Variants in SS18 observed in about 807,000 individuals in gnomAD.
SS18 encodes the protein SS18 subunit of BAF chromatin remodeling complex.
A neutral mutation model predicts 72.5 loss-of-function variants in SS18; 28 were observed. The observed-to-expected ratio is 0.39, with a 90% CI of 0.29 to 0.53. The LOEUF (loss-of-function observed/expected upper bound fraction) is 0.53, where lower values mean the gene tolerates loss of function less well. SS18 is among the 20% of genes least tolerant of loss of function. The pLI, the probability that SS18 is intolerant of heterozygous loss-of-function variation, is 0.76. For synonymous variants in SS18, 172 were observed against 164.2 expected (o/e 1.05, Z -0.37); for missense variants, 518 against 535.3 (o/e 0.97, Z 0.32).
chr18:26,062,992 A>T (rs1263980323), intron 3 of SS18, among the ~76,000 whole-genome samples: 5 of 152,224 alleles, frequency 3.3e-5, no homozygotes, highest in Admixed American at 6.5e-5. Flanking sequence ...ATATAAAAAA[A>T]TTTTGACATT....
intron 1 of SS18, among the ~76,000 whole-genome samples, chr18:26,088,895 C>G (rs1017770864): frequency 6.6e-6 from 1 of 151,972 alleles, no homozygotes; most frequent in East Asian, 1.9e-4. Flanking sequence ...AAAAAAAAAC[C>G]ACTAACATGA....
chr18:26,051,412 G>A (rs1318288907), intron 5 of SS18, among the ~76,000 whole-genome samples: 2 of 151,794 alleles, frequency 1.3e-5, no homozygotes, highest in East Asian at 1.9e-4. Context: ...TTTTTTCTTC[G>A]AATCTTATTA....
At chr18:26,087,681 A>G (rs1348939210) in intron 1 of SS18, 104 bp from the exon 2 acceptor site, 3 of 662,298 alleles carry the variant, frequency 4.5e-6, no homozygotes, top group Non-Finnish European at 8.1e-6. Context: ...CTGCTTGTAC[A>G]AGAACTCTAA....
chr18:26,018,026 A>C lies in SS18; in HGVS notation c.*328T>G, dbSNP rs2053278868. 3.8e-6 allele frequency: 1 copy of C among 264,720 alleles called. No individual in the cohort carries two copies. Among genetic ancestry groups the C allele is most frequent in the Admixed American group, 5.2e-5 (1 of 19,298 alleles). The allele number at this position is 264,720 out of a possible 1,614,324, so 16.4% of individuals were successfully genotyped here. ...AGTATTAAATTCCCTTACCCTTCAT[A>C]AACATACAAAGCTGTTCACACCTTT... On this transcript the variant is annotated 3_prime_UTR_variant, in exon 11 of 11. Transcript: ENST00000415083.
intron 3 of SS18, among the ~76,000 whole-genome samples, chr18:26,063,376 A>G (rs1261225990): frequency 6.6e-6 from 1 of 152,084 alleles, no homozygotes; most frequent in African/African-American, 2.4e-5. Flanking sequence ...AAAATTAGCC[A>G]GGCGTGGTGG....
intron 1 of SS18, among the ~76,000 whole-genome samples, chr18:26,089,571 C>T (rs1402246163): frequency 6.6e-6 from 1 of 152,188 alleles, no homozygotes; most frequent in African/African-American, 2.4e-5. Context: ...AAGTAAACTG[C>T]TAAATACAGC....
chr18:26,038,418 A>G, intron 7 of SS18, 137 bp downstream of exon 7: 1 of 708,278 alleles, frequency 1.4e-6, no homozygotes, highest in South Asian at 1.8e-5. Context: ...TTGGTACTTT[A>G]GAGTACTGAA....
Position 26,035,921 on chromosome 18 carries a change from G to T in SS18, c.883C>A (p.His295Asn). Residue 295 changes from histidine (H) to asparagine (N), a missense_variant and splice_region_variant, in exon 8 of 11, where the codon CAT becomes AAT. Physicochemically the swap from His to Asn is moderately conservative, Grantham distance 68. Coordinates refer to ENST00000415083, the MANE Select transcript of SS18 (RefSeq NM_001007559.3). This position sits in a 1 kb window ranked among gnomAD's most constrained non-coding sequence, Gnocchi z 4.4. Reference sequence around the variant, plus strand: ...GGTTGCTGATAACCGTAATCATTATGACCTACATCAATTCGACAAGAGACA... The same window carrying T: ...GGTTGCTGATAACCGTAATCATTATTACCTACATCAATTCGACAAGAGACA... ...GMNQQYYPDG[H>N]NDYGYQQPSY... 1.3e-6 allele frequency: 2 copies of T among 1,594,586 alleles called. No individual in the cohort carries two copies. Among genetic ancestry groups the T allele is most frequent in the South Asian group, 2.3e-5 (2 of 88,308 alleles).
At chr18:26,066,896 C>G (rs2054229968) in intron 3 of SS18, among the ~76,000 whole-genome samples, 1 of 152,138 alleles carries the variant, frequency 6.6e-6, no homozygotes, top group South Asian at 2.1e-4. Context: ...CAGAAGTAAT[C>G]ACATCTTCTG....
chr18:26,070,046 G>A (rs2054286911), intron 3 of SS18, among the ~76,000 whole-genome samples: 1 of 152,002 alleles, frequency 6.6e-6, no homozygotes, highest in South Asian at 2.1e-4. Context: ...ATGACCTATT[G>A]GGTACAGTGT....
At position 26,057,598 on chromosome 18, in the gene SS18, G is replaced by C. The variant is rs761115081; in HGVS notation, c.376C>G (p.Gln126Glu). 6.2e-7 allele frequency: 1 copy of C among 1,613,984 alleles called. No individual in the cohort carries two copies. Among genetic ancestry groups the C allele is most frequent in the Non-Finnish European group, 8.5e-7 (1 of 1,180,020 alleles). Reference sequence around the variant, plus strand: ...GAGGAGAAAAACTTACCAGGCATCTGGCCGTTCATCTGGTTCTGCATGTGC... The same window carrying C: ...GAGGAGAAAAACTTACCAGGCATCTCGCCGTTCATCTGGTTCTGCATGTGC... ...APHMQNQMNG[Q>E]MPGPNHMPMQ... The change falls in exon 4 of 11, where the codon CAG (glutamine) becomes GAG (glutamate). Residue 126 changes from glutamine (Q) to glutamate (E), a missense_variant. Physicochemically the swap from Gln to Glu is conservative, Grantham distance 29. Transcript: ENST00000415083.
chr18:26,044,117 A>G (rs563971859), intron 5 of SS18, among the ~76,000 whole-genome samples: 56 of 152,318 alleles, frequency 3.7e-4, no homozygotes, highest in Admixed American at 3.3e-3. Flanking sequence ...AGTGAACAGA[A>G]TAAGACACAG....
At chr18:26,065,655 C>T (rs2054198818) in intron 3 of SS18, among the ~76,000 whole-genome samples, 1 of 150,944 alleles carries the variant, frequency 6.6e-6, no homozygotes, top group African/African-American at 2.4e-5. Context: ...AAAATATTGG[C>T]AAGTTGGACT....
At chr18:26,078,035 T>C in intron 3 of SS18, 41 bp downstream of exon 3, 1 of 1,463,268 alleles carries the variant, frequency 6.8e-7, no homozygotes, top group South Asian at 1.2e-5. Flanking sequence ...CATATGTAAC[T>C]ATAAAGATTG....
chr18:26,079,844 G>A (rs2054484328), intron 2 of SS18, among the ~76,000 whole-genome samples: 1 of 152,030 alleles, frequency 6.6e-6, no homozygotes. Context: ...GACTCTCAAA[G>A]TGCTGGGATT....
chr18:26,086,452 G>A (rs1374241446), intron 2 of SS18, among the ~76,000 whole-genome samples: 2 of 152,140 alleles, frequency 1.3e-5, no homozygotes, highest in Non-Finnish European at 2.9e-5. Flanking sequence ...ATATCTTTAT[G>A]CTAATTGTAT....
intron 5 of SS18, among the ~76,000 whole-genome samples, chr18:26,046,741 G>A (rs2053830747): frequency 6.6e-6 from 1 of 152,126 alleles, no homozygotes; most frequent in East Asian, 1.9e-4. Context: ...ATCCAGGTTT[G>A]TAAAATCTCA....
chr18:26,040,577 TAACA>T (rs1372514933), intron 5 of SS18, among the ~76,000 whole-genome samples: 1 of 152,146 alleles, frequency 6.6e-6, no homozygotes, highest in African/African-American at 2.4e-5. Context: ...TTAAATTACT[TAACA>T]AACAATTAAA....
intron 3 of SS18, among the ~76,000 whole-genome samples, chr18:26,071,587 T>C (rs991050483): frequency 6.6e-6 from 1 of 152,074 alleles, no homozygotes; most frequent in Non-Finnish European, 1.5e-5. Flanking sequence ...TCCCAGAACT[T>C]TGGGAGGCCA....
Sources: allele counts gnomAD v4.1 joint callset (sites outside exome capture counted in the v4.1 genomes callset), GRCh38; gene constraint gnomAD v4.1.1; non-coding constraint Gnocchi (gnomAD v3.1); transcripts MANE v1.5; gene names NCBI Gene and HGNC (gene_info 2026-07-23, HGNC 2026-07-21).